WDR31: variants seen among roughly 807,000 people sequenced by gnomAD.
WDR31 encodes WD repeat-containing protein 31.
WDR31 carries 30 observed loss-of-function variants against 47.3 expected under a neutral mutation model. The observed-to-expected ratio is 0.63, with a 90% CI of 0.47 to 0.86. The LOEUF (loss-of-function observed/expected upper bound fraction) is 0.86, where lower values mean the gene tolerates loss of function less well. Among genes scored for constraint, WDR31 ranks in the 40% least tolerant of loss-of-function variants. The probability of loss-of-function intolerance (pLI) is 0.00; values close to 1 mark genes in which losing one functional copy is unlikely to be tolerated. For synonymous variants in WDR31, 137 were observed against 159.4 expected (o/e 0.86, Z 1.06); for missense variants, 406 against 442.9 (o/e 0.92, Z 0.75).
Position 113,313,976 on chromosome 9 carries a change from G to C in WDR31, c.*2773C>G, listed in dbSNP as rs1401595755. The C allele has an allele frequency of 6.6e-6, 1 of 151,870 alleles. No individual in the cohort carries two copies. Among genetic ancestry groups the C allele is most frequent in the Non-Finnish European group, 1.5e-5 (1 of 68,088 alleles). The allele number at this position is 151,870 out of a possible 1,614,324, so 9.4% of individuals were successfully genotyped here. A position where few individuals can be genotyped will look rare whatever the true frequency, so the allele number is the denominator to read the frequency against. On this transcript the variant is annotated 3_prime_UTR_variant, in exon 11 of 11. Coordinates refer to ENST00000374193, the MANE Select transcript of WDR31 (RefSeq NM_001012361.4). ...AGATTGAGACCATCCTGGCTAACAC[G>C]GTGAAATCCCGTCTCTACTAAAAAC...
At chr9:113,321,806 A>C (rs1007256638) in intron 7 of WDR31, among the ~76,000 whole-genome samples, 3 of 152,086 alleles carry the variant, frequency 2.0e-5, no homozygotes, top group African/African-American at 7.2e-5. Flanking sequence ...GAGCACCAAA[A>C]TACATGCAGG....
rs79213549 is a variant in WDR31, at chr9:113,334,066, T to C, written c.-28-2016A>G. Reference sequence around the variant, plus strand: ...CTCTATCACCCAGGCTGGAGTGCAGTGGTGTGATCTCACTGTACCCTCAAC... The same window carrying C: ...CTCTATCACCCAGGCTGGAGTGCAGCGGTGTGATCTCACTGTACCCTCAAC... On this transcript the variant is annotated intron_variant, in intron 2 of 10. Transcript: ENST00000374193. Among the ~76,000 whole-genome samples the C allele has an allele frequency of 7.3e-3, 1,110 of 152,110 alleles. 15 individuals are homozygous for C. The highest frequency in any genetic ancestry group is 0.026 in the African/African-American group (1,058 of 41,468).
Position 113,332,511 on chromosome 9 carries a change from G to T in WDR31, c.-28-461C>A, listed in dbSNP as rs1564312731. 2.0e-5 allele frequency among the ~76,000 whole-genome samples: 3 copies of T among 152,304 alleles called. No individual in the cohort carries two copies. In the South Asian group the frequency reaches 6.2e-4, roughly 32 times the overall value. On this transcript the variant is annotated intron_variant, in intron 2 of 10. Transcript: ENST00000374193. ...ACATACTACAACATGGGTGAATCTT[G>T]AGAACATCATGCTAAGCAAAAGAAG...
Position 113,316,882 on chromosome 9 carries a change from C to T in WDR31, c.971G>A (p.Gly324Glu), listed in dbSNP as rs1231330962. ...GACLFTLSLD[G>E]SGPLTSLAVG... The stretch of plus-strand genomic sequence containing the variant: ...AGCCAGAGAAGTCAAGGGTCCTGAT[C>T]CATCCAGAGACAAGGTGAAAAGGCA... The change falls in exon 11 of 11, where the codon GGA becomes GAA. Residue 324 changes from glycine (G) to glutamate (E), a missense_variant. By Grantham distance (98) the Gly-to-Glu change is moderately conservative. Coordinates refer to ENST00000374193, the MANE Select transcript of WDR31 (RefSeq NM_001012361.4). 3 of 1,613,980 alleles carry T rather than the reference C, an allele frequency of 1.9e-6. No homozygotes were observed. The African/African-American group carries it at 4.0e-5, about 22-fold the overall frequency.
rs376252080 is a variant in WDR31 at position 113,316,699 on chromosome 9, T to A, written c.*50A>T. On this transcript the variant is annotated 3_prime_UTR_variant, in exon 11 of 11. Coordinates refer to ENST00000374193, the MANE Select transcript of WDR31 (RefSeq NM_001012361.4). ...GATAACTGGGAAAGACACAAAGCCA[T>A]GCTGAGGAGGAGCCATGGTTTGATA... The A allele has an allele frequency of 1.3e-6, 2 of 1,579,758 alleles. No individual in the cohort carries two copies. The highest frequency in any genetic ancestry group is 1.7e-6 in the Non-Finnish European group (2 of 1,162,174).
chr9:113,337,125 A>C (rs1420457302), intron 1 of WDR31, among the ~76,000 whole-genome samples: 2 of 152,232 alleles, frequency 1.3e-5, no homozygotes, highest in Non-Finnish European at 2.9e-5. Context: ...TAAATGCATT[A>C]GTGTCTGCAT....
At position 113,331,058 on chromosome 9, in the gene WDR31, GGCT is replaced by G; in HGVS notation, c.172_174del (p.Ser58del). 1 of 1,610,518 alleles carries G rather than the reference GGCT, an allele frequency of 6.2e-7. No homozygotes were observed. The highest frequency in any genetic ancestry group is 8.5e-7 in the Non-Finnish European group (1 of 1,177,632). On this transcript the variant is annotated inframe_deletion, in exon 4 of 11. Coordinates refer to ENST00000374193, the MANE Select transcript of WDR31 (RefSeq NM_001012361.4). ...ACAGAGACGGTATCCATGTGAGCTG[GGCT>G]ATACTCTTGAAAAGCTTTAGTTTGA...
intron 8 of WDR31, among the ~76,000 whole-genome samples, chr9:113,321,282 C>A (rs1833320146): frequency 6.6e-6 from 1 of 152,212 alleles, no homozygotes; most frequent in South Asian, 2.1e-4. Flanking sequence ...TGCTTTGGAA[C>A]CATCCAAAAC....
At position 113,323,429 on chromosome 9, in the gene WDR31, T is replaced by C. The variant is rs1833377283; in HGVS notation, c.325-274A>G. On this transcript the variant is annotated intron_variant, in intron 5 of 10. Transcript: ENST00000374193. ...GGCACCAGCCACCACGCCCAGCTAA[T>C]TTTTGCATTTTTAGTAGAGACAGGG... Among the ~76,000 whole-genome samples, 5 of 152,092 alleles carry C rather than the reference T, an allele frequency of 3.3e-5. 1 individual carries two copies. Among genetic ancestry groups the C allele is most frequent in the Admixed American group, 1.3e-4 (2 of 15,280 alleles).
At chr9:113,337,397 T>C (rs1033035618) in intron 1 of WDR31, among the ~76,000 whole-genome samples, 1 of 151,730 alleles carries the variant, frequency 6.6e-6, no homozygotes, top group Non-Finnish European at 1.5e-5. Context: ...TCCAAAATGA[T>C]CCAAAATCTA....
At chr9:113,337,586 C>T (rs1160140839) in intron 1 of WDR31, among the ~76,000 whole-genome samples, 2 of 151,860 alleles carry the variant, frequency 1.3e-5, no homozygotes, top group African/African-American at 2.4e-5. Flanking sequence ...CTGCCTCAGC[C>T]TCCTGAGTAG....
intron 5 of WDR31, among the ~76,000 whole-genome samples, chr9:113,323,582 G>C (rs974163591): frequency 4.6e-5 from 7 of 152,190 alleles, no homozygotes; most frequent in African/African-American, 1.7e-4. Context: ...CTTCTCAAAA[G>C]AGTAATACCT....
At chr9:113,330,129 CTT>C (rs1833563858) in intron 4 of WDR31, among the ~76,000 whole-genome samples, 1 of 152,062 alleles carries the variant, frequency 6.6e-6, no homozygotes, top group Non-Finnish European at 1.5e-5. Context: ...GAGACAGAGT[CTT>C]GCTCTGTCAC....
At chr9:113,325,451 T>C (rs1053483892) in intron 5 of WDR31, among the ~76,000 whole-genome samples, 1 of 152,092 alleles carries the variant, frequency 6.6e-6, no homozygotes, top group African/African-American at 2.4e-5. Flanking sequence ...TTCTATAAAA[T>C]TGTATATTTG....
rs1212183547 is a variant in WDR31, at chr9:113,315,495, A to C, written c.*1254T>G. Reference sequence around the variant, plus strand: ...CTTATGTGTGGGCATCTCTGAAGGCAGAAAGAACTCCATTTTCCCTGGAGG... The same window carrying C: ...CTTATGTGTGGGCATCTCTGAAGGCCGAAAGAACTCCATTTTCCCTGGAGG... On this transcript the variant is annotated 3_prime_UTR_variant, in exon 11 of 11. Coordinates refer to ENST00000374193, the MANE Select transcript of WDR31 (RefSeq NM_001012361.4). 6.6e-5 allele frequency: 10 copies of C among 152,132 alleles called. No homozygotes were observed. The highest frequency in any genetic ancestry group is 2.4e-4 in the African/African-American group (10 of 41,424). 9.4% of individuals were successfully genotyped at this position (152,132 alleles called of 1,614,324 possible). A position where few individuals can be genotyped will look rare whatever the true frequency, so the allele number is the denominator to read the frequency against.
intron 5 of WDR31, 129 bp from the exon 6 acceptor site, chr9:113,323,284 C>T (rs533470207): frequency 5.6e-5 from 68 of 1,207,560 alleles, no homozygotes; most frequent in Admixed American, 5.3e-4. Flanking sequence ...TTTTTTGAGA[C>T]GGAGTCTCAC....
At chr9:113,334,251 G>C (rs528131190) in intron 2 of WDR31, among the ~76,000 whole-genome samples, 1 of 152,054 alleles carries the variant, frequency 6.6e-6, no homozygotes, top group African/African-American at 2.4e-5. Flanking sequence ...TCCCAAAGTG[G>C]GGCCTTCTTT....
chr9:113,338,774 A>G (rs1398938214), intron 1 of WDR31, among the ~76,000 whole-genome samples: 1 of 151,996 alleles, frequency 6.6e-6, no homozygotes, highest in Non-Finnish European at 1.5e-5. Context: ...GCCTGCCACC[A>G]CGCCCAGCTA....
At chr9:113,330,747 G>T (rs1833577549) in intron 4 of WDR31, among the ~76,000 whole-genome samples, 1 of 152,098 alleles carries the variant, frequency 6.6e-6, no homozygotes, top group South Asian at 2.1e-4. Flanking sequence ...CCACCTGTGA[G>T]GTGGCATTAT....
Sources: allele counts gnomAD v4.1 joint callset (sites outside exome capture counted in the v4.1 genomes callset), GRCh38; gene constraint gnomAD v4.1.1; transcripts MANE v1.5; gene names NCBI Gene and HGNC (gene_info 2026-07-23, HGNC 2026-07-21).